The following NRG3 variants were observed in gnomAD, a reference collection of about 807,000 sequenced individuals.
NRG3 encodes neuregulin 3.
A neutral mutation model predicts 66.9 loss-of-function variants in NRG3; 31 were observed. The observed-to-expected ratio is 0.46, with a 90% CI of 0.35 to 0.63. The LOEUF (loss-of-function observed/expected upper bound fraction) is 0.63. Among genes scored for constraint, NRG3 ranks in the 20% least tolerant of loss-of-function variants. The pLI is 0.00. For synonymous variants in NRG3, 393 were observed against 359.4 expected, an observed-to-expected ratio of 1.09 and a Z score of -1.06; for missense variants, 910 against 878.9, an observed-to-expected ratio of 1.04 and a Z score of -0.45.
At chr10:82,052,221 C>G (rs2063632879) in intron 1 of NRG3, among the ~76,000 whole-genome samples, 1 of 152,076 alleles carries the variant, frequency 6.6e-6, no homozygotes, top group South Asian at 2.1e-4. Context: ...ATCTACCTGT[C>G]TCACCAAAAC....
intron 6 of NRG3, among the ~76,000 whole-genome samples, chr10:82,970,550 C>G (rs1021242878): frequency 1.3e-5 from 2 of 152,150 alleles, no homozygotes; most frequent in African/African-American, 4.8e-5. Context: ...CTTTATTTTT[C>G]TGTGAAATTC....
chr10:82,348,175 C>T (rs1589802564), intron 1 of NRG3, among the ~76,000 whole-genome samples: 1 of 152,192 alleles, frequency 6.6e-6, no homozygotes, highest in African/African-American at 2.4e-5. Flanking sequence ...ATGGTCTTTA[C>T]ATTTTGGCAT....
chr10:82,727,766 G>A (rs1204209719), intron 2 of NRG3, among the ~76,000 whole-genome samples: 2 of 152,124 alleles, frequency 1.3e-5, no homozygotes, highest in East Asian at 3.9e-4. Context: ...CCAATTGCTT[G>A]CACTGTGCAC....
intron 2 of NRG3, among the ~76,000 whole-genome samples, chr10:82,543,252 T>C (rs189822833): frequency 2.6e-5 from 4 of 152,278 alleles, no homozygotes; most frequent in Admixed American, 2.0e-4. Context: ...AGATGTGGTC[T>C]GTGGGTTACA....
At chr10:81,923,698 G>T (rs951698066) in intron 1 of NRG3, among the ~76,000 whole-genome samples, 1 of 148,492 alleles carries the variant, frequency 6.7e-6, no homozygotes, top group African/African-American at 2.5e-5. Context: ...GACCCCCGGA[G>T]AATGCTGTTT....
chr10:82,832,096 A>G (rs1407892695), intron 3 of NRG3, among the ~76,000 whole-genome samples: 1 of 152,158 alleles, frequency 6.6e-6, no homozygotes, highest in African/African-American at 2.4e-5. Flanking sequence ...CCGTTGCTGG[A>G]GAGTTTCATA....
At chr10:82,761,569 G>A (rs2059304782) in intron 3 of NRG3, among the ~76,000 whole-genome samples, 1 of 152,060 alleles carries the variant, frequency 6.6e-6, no homozygotes, top group African/African-American at 2.4e-5. Context: ...AAAAACCTGA[G>A]ACTGAATTGC....
At chr10:82,783,889 C>T (rs973042735) in intron 3 of NRG3, among the ~76,000 whole-genome samples, 27 of 152,056 alleles carry the variant, frequency 1.8e-4, no homozygotes, top group East Asian at 1.5e-3. Context: ...AAAAAGAGCC[C>T]GCATCGCCAA....
chr10:82,925,652 T>C (rs554175334), intron 4 of NRG3, among the ~76,000 whole-genome samples: 1 of 152,334 alleles, frequency 6.6e-6, no homozygotes, highest in African/African-American at 2.4e-5. Context: ...TATTATTTTT[T>C]AATCAATCTA....
chr10:82,135,062 G>T (rs144910370), intron 1 of NRG3, among the ~76,000 whole-genome samples: 248 of 149,940 alleles, frequency 1.7e-3, no homozygotes, highest in African/African-American at 5.8e-3. Context: ...GGAGGTGGAG[G>T]TTGCAGTGAG....
At chr10:82,398,513 G>T (rs2086865954) in intron 2 of NRG3, among the ~76,000 whole-genome samples, 1 of 145,398 alleles carries the variant, frequency 6.9e-6, no homozygotes, top group Non-Finnish European at 1.5e-5. Flanking sequence ...GTGTGTGTGT[G>T]TGTGTGTGTG....
At chr10:82,461,845 A>G (rs2091531032) in intron 2 of NRG3, among the ~76,000 whole-genome samples, 1 of 152,184 alleles carries the variant, frequency 6.6e-6, no homozygotes, top group Admixed American at 6.5e-5. Flanking sequence ...ATATTTTCAT[A>G]TTAGGCCGGG....
chr10:82,664,312 A>G (rs2133984545), intron 2 of NRG3, among the ~76,000 whole-genome samples: 1 of 152,264 alleles, frequency 6.6e-6, no homozygotes, highest in East Asian at 1.9e-4. Context: ...AGTTCTCTTT[A>G]GTACTAGCTG....
chr10:82,310,282 C>T (rs1003756939), intron 1 of NRG3, among the ~76,000 whole-genome samples: 8 of 152,124 alleles, frequency 5.3e-5, no homozygotes, highest in Non-Finnish European at 8.8e-5. Context: ...CTGTATTTTC[C>T]GAGTAAGTCC....
At chr10:82,573,270 T>C (rs1270080035) in intron 2 of NRG3, among the ~76,000 whole-genome samples, 1 of 151,788 alleles carries the variant, frequency 6.6e-6, no homozygotes, top group African/African-American at 2.4e-5. Flanking sequence ...TTGGAAAATC[T>C]GGTATTCTTT....
intron 2 of NRG3, among the ~76,000 whole-genome samples, chr10:82,651,820 G>A (rs921017930): frequency 1.3e-5 from 2 of 152,168 alleles, no homozygotes; most frequent in Non-Finnish European, 2.9e-5. Context: ...GTAGTTCCAA[G>A]GTAAAGAAAC....
intron 1 of NRG3, among the ~76,000 whole-genome samples, chr10:81,885,503 G>A (rs1381221980): frequency 6.6e-6 from 1 of 152,080 alleles, no homozygotes; most frequent in Non-Finnish European, 1.5e-5. Context: ...TCTGCCGGGG[G>A]TACTACAAAC....
At chr10:82,600,097 T>C (rs2047525397) in intron 2 of NRG3, among the ~76,000 whole-genome samples, 2 of 152,128 alleles carry the variant, frequency 1.3e-5, no homozygotes, top group Non-Finnish European at 2.9e-5. Context: ...CTAGTATAAA[T>C]TTGTTGAAAT....
At chr10:82,504,001 G>A (rs645769) in intron 2 of NRG3, among the ~76,000 whole-genome samples, 65,878 of 152,034 alleles carry the variant, frequency 0.43, 18,215 homozygotes, top group African/African-American at 0.78. Flanking sequence ...TTACTTCTCA[G>A]TTTGCTCTGA....
Sources: allele counts gnomAD v4.1 joint callset (sites outside exome capture counted in the v4.1 genomes callset), GRCh38; gene constraint gnomAD v4.1.1; transcripts MANE v1.5; gene names NCBI Gene and HGNC (gene_info 2026-07-23, HGNC 2026-07-21).